HNRNPA3: variants seen among roughly 807,000 people sequenced by gnomAD.
HNRNPA3 encodes the protein heterogeneous nuclear ribonucleoprotein A3.
In HNRNPA3, 3 loss-of-function variants were observed where a neutral mutation model predicts 45.8. The ratio of observed to expected loss-of-function variants is 0.07; its 90% CI spans 0.03 to 0.17. The LOEUF is 0.17. Among genes scored for constraint, HNRNPA3 ranks in the 10% least tolerant of loss-of-function variants. The pLI, the probability that HNRNPA3 is intolerant of heterozygous loss-of-function variation, is 1.00. For synonymous variants in HNRNPA3, 170 were observed against 155.6 expected, an observed-to-expected ratio of 1.09 and a Z score of -0.69; for missense variants, 183 against 480.3, an observed-to-expected ratio of 0.38 and a Z score of 5.79.
At chr2:177,215,157 T>A (rs897068364) in intron 1 of HNRNPA3, among the ~76,000 whole-genome samples, 1 of 152,070 alleles carries the variant, frequency 6.6e-6, no homozygotes, top group Admixed American at 6.6e-5. Context: ...GGCTGGAGTG[T>A]AATGACATGA....
At chr2:177,219,216 A>G (rs1295022703) in intron 9 of HNRNPA3, 31 bp from the exon 10 acceptor site, 2 of 1,611,432 alleles carry the variant, frequency 1.2e-6, no homozygotes, top group Admixed American at 1.7e-5. Context: ...AAATGTGCAT[A>G]CTTCTTTTAA....
chr2:177,223,409 AGTT>A (rs781215843), downstream of HNRNPA3: 49 of 152,162 alleles, frequency 3.2e-4, no homozygotes, highest in East Asian at 9.6e-4. Flanking sequence ...AAAAAAAAAA[AGTT>A]GTTATATAAG....
chr2:177,216,312 C>T lies in HNRNPA3; in HGVS notation c.553+124C>T, dbSNP rs1403854218. 21 of 742,504 alleles carry T rather than the reference C, an allele frequency of 2.8e-5. No individual in the cohort carries two copies. The Middle Eastern group carries it at 3.1e-3, about 110-fold the overall frequency. 46.0% of individuals were successfully genotyped at this position (742,504 alleles called of 1,614,324 possible). A position where few individuals can be genotyped will look rare whatever the true frequency, so the allele number is the denominator to read the frequency against. ...GCATTTATAGTGTATAGTCAATTTTCATAGTGTCTGCCTGTGTAATCAGTA... is the reference window on the plus strand; with the variant it reads ...GCATTTATAGTGTATAGTCAATTTTTATAGTGTCTGCCTGTGTAATCAGTA... On this transcript the variant is annotated intron_variant, in intron 4 of 10. Coordinates refer to ENST00000392524, the Ensembl canonical transcript of HNRNPA3.
At chr2:177,218,045 C>CTTTT (rs1182076649) in intron 8 of HNRNPA3, among the ~76,000 whole-genome samples, 200 bp downstream of exon 8, 3 of 107,672 alleles carry the variant, frequency 2.8e-5, no homozygotes, top group African/African-American at 7.4e-5. Context: ...ACTCAGCTCT[C>CTTTT]TTTTTTCTTT....
At chr2:177,213,978 G>T (rs1004437091) in intron 1 of HNRNPA3, among the ~76,000 whole-genome samples, 1 of 152,132 alleles carries the variant, frequency 6.6e-6, no homozygotes, top group East Asian at 1.9e-4. Context: ...GGCTATTAAC[G>T]TTTTTTTCTA....
intron 8 of HNRNPA3, among the ~76,000 whole-genome samples, 200 bp downstream of exon 8, chr2:177,218,045 CTTTTTTCTTTTTTTTTTT>C (rs1208637031): frequency 1.9e-5 from 2 of 107,640 alleles, no homozygotes; most frequent in African/African-American, 7.4e-5. Flanking sequence ...ACTCAGCTCT[CTTTTTTCTTTTTTTTTTT>C]TTTTTTTTTT....
intron 2 of HNRNPA3, 43 bp from the exon 3 acceptor site, chr2:177,215,707 C>G: frequency 3.8e-6 from 6 of 1,566,878 alleles, no homozygotes; most frequent in South Asian, 2.4e-5. Flanking sequence ...TGTAGAGAAC[C>G]GGTGGAGGTG....
rs755453547 is a variant in HNRNPA3, at chr2:177,215,904, A to G, written c.342+8A>G. 14 of 1,596,552 alleles carry G rather than the reference A, an allele frequency of 8.8e-6. No homozygotes were observed. The Admixed American group carries it at 2.4e-4, about 27-fold the overall frequency. The stretch of plus-strand genomic sequence containing the variant: ...AGAGCTGTTTCTAGAGAGGTATTTT[A>G]ATAATACATTGTGTAATATGTGAAA... On this transcript the variant is annotated splice_region_variant and intron_variant, in intron 3 of 10. Transcript: ENST00000392524.
At chr2:177,216,243 T>C (rs1282208137) in intron 4 of HNRNPA3, 55 bp downstream of exon 4, 1 of 1,229,704 alleles carries the variant, frequency 8.1e-7, no homozygotes, top group African/African-American at 1.5e-5. Context: ...TTTTTCTGTT[T>C]TGAACTAAAT....
exon 5 of HNRNPA3, chr2:177,216,576 T>C: frequency 6.2e-7 from 1 of 1,613,968 alleles, no homozygotes; most frequent in Non-Finnish European, 8.5e-7. Context: ...AGATGCAGTC[T>C]GCTGGATCAC....
exon 11 of HNRNPA3, chr2:177,219,729 TGTG>T (rs1358267270): frequency 6.5e-6 from 1 of 154,272 alleles, no homozygotes; most frequent in Non-Finnish European, 1.4e-5. Flanking sequence ...CCCTGTAAAT[TGTG>T]GTAGTGGTAC....
At chr2:177,220,864 C>T (rs2105439214), downstream of HNRNPA3, 1 of 152,680 alleles carries the variant, frequency 6.5e-6, no homozygotes. Flanking sequence ...TGTTTTGCTC[C>T]AGCTAGTGCT....
At chr2:177,217,984 C>G (rs150134711) in intron 8 of HNRNPA3, 139 bp downstream of exon 8, 4 of 710,122 alleles carry the variant, frequency 5.6e-6, no homozygotes, top group East Asian at 3.6e-5. Context: ...GTTGGTAGTT[C>G]AAACCAAATT....
chr2:177,216,571 C>G, exon 5 of HNRNPA3: 13 of 1,613,636 alleles, frequency 8.1e-6, no homozygotes, highest in Non-Finnish European at 1.1e-5. Flanking sequence ...ACAAGAGATG[C>G]AGTCTGCTGG....
chr2:177,216,783 ATCT>A lies in HNRNPA3; in HGVS notation c.739+16_739+18del. On this transcript the variant is annotated intron_variant, in intron 6 of 10. Transcript: ENST00000392524. ...CTTTGGTGGAAGAGGTAGGCTGTTTATCTTCTAAGTACATGGATACCTGACATT... is the reference window on the plus strand; with the variant it reads ...CTTTGGTGGAAGAGGTAGGCTGTTTATCTAAGTACATGGATACCTGACATT... 1 of 1,614,116 alleles carries A rather than the reference ATCT, an allele frequency of 6.2e-7. No homozygotes were observed. The highest frequency in any genetic ancestry group is 8.5e-7 in the Non-Finnish European group (1 of 1,179,978).
At chr2:177,220,858 T>G (rs1438150800), downstream of HNRNPA3, 1 of 152,648 alleles carries the variant, frequency 6.6e-6, no homozygotes, top group African/African-American at 2.4e-5. Flanking sequence ...GTCTACTGTT[T>G]TGCTCCAGCT....
chr2:177,217,634 C>T (rs990938296), intron 7 of HNRNPA3, 71 bp from the exon 8 acceptor site: 7 of 1,581,352 alleles, frequency 4.4e-6, no homozygotes, highest in Admixed American at 3.3e-5. Context: ...CTCTTACACA[C>T]ACACCAGAAT....
intron 7 of HNRNPA3, 126 bp downstream of exon 7, chr2:177,217,066 C>T: frequency 9.5e-7 from 1 of 1,049,860 alleles, no homozygotes; most frequent in Non-Finnish European, 1.3e-6. Flanking sequence ...TATTTCCAAA[C>T]TGTACATGGA....
At chr2:177,214,293 A>C (rs1181500920) in intron 1 of HNRNPA3, among the ~76,000 whole-genome samples, 1 of 152,244 alleles carries the variant, frequency 6.6e-6, no homozygotes, top group Non-Finnish European at 1.5e-5. Flanking sequence ...TGACTCTTAA[A>C]ATTGAGTTGT....
Sources: allele counts gnomAD v4.1 joint callset (sites outside exome capture counted in the v4.1 genomes callset), GRCh38; gene constraint gnomAD v4.1.1; transcripts MANE v1.5; gene names NCBI Gene and HGNC (gene_info 2026-07-23, HGNC 2026-07-21).